HIVEP3: variants seen among roughly 807,000 people sequenced by gnomAD.
HIVEP3 encodes the protein HIVEP zinc finger 3.
Under a neutral mutation model 152.8 loss-of-function variants are expected in HIVEP3, and 49 were observed. The observed-to-expected ratio is 0.32, with a 90% CI of 0.26 to 0.41. The LOEUF is 0.41. Ranked by LOEUF, HIVEP3 falls within the 10% of genes least tolerant of loss-of-function variation. The pLI is 1.00. For synonymous variants in HIVEP3, 1,269 were observed against 1,289.0 expected (o/e 0.98, Z 0.33); for missense variants, 2,790 against 3,103.3 (o/e 0.90, Z 2.40).
chr1:41,701,029 C>A, intron 1 of HIVEP3, 34 bp from the exon 2 acceptor site: 2 of 923,574 alleles, frequency 2.2e-6, no homozygotes, highest in Middle Eastern at 5.6e-4. Flanking sequence ...AATATTATGC[C>A]ACCGCCATCT....
At chr1:41,912,326 G>A (rs1271464843) in intron 1 of HIVEP3, among the ~76,000 whole-genome samples, 1 of 152,190 alleles carries the variant, frequency 6.6e-6, no homozygotes, top group Non-Finnish European at 1.5e-5. Context: ...CAGTTTGTAA[G>A]CATTCGTTTG....
At chr1:41,713,096 G>A (rs772324323) in intron 1 of HIVEP3, among the ~76,000 whole-genome samples, 1 of 152,330 alleles carries the variant, frequency 6.6e-6, no homozygotes, top group Non-Finnish European at 1.5e-5. Context: ...GCCCCTGGGA[G>A]GATTAAATAA....
intron 3 of HIVEP3, among the ~76,000 whole-genome samples, chr1:41,601,152 T>C (rs1473361791): frequency 1.3e-5 from 2 of 152,174 alleles, no homozygotes; most frequent in Non-Finnish European, 2.9e-5. Flanking sequence ...TTTTGATTAG[T>C]GTAATTTTTT....
chr1:41,550,360 C>CT (rs1222344920), intron 5 of HIVEP3, among the ~76,000 whole-genome samples: 6 of 152,226 alleles, frequency 3.9e-5, no homozygotes, highest in Middle Eastern at 3.4e-3. Context: ...GCAGTGCGGG[C>CT]TTTTTTTTGG....
intron 1 of HIVEP3, among the ~76,000 whole-genome samples, chr1:41,741,557 T>C (rs1306752334): frequency 6.6e-6 from 1 of 152,204 alleles, no homozygotes; most frequent in East Asian, 1.9e-4. Flanking sequence ...ACCCCCATCC[T>C]TGGCCTGGGG....
chr1:41,988,614 T>C (rs1026967065), intron 1 of HIVEP3, among the ~76,000 whole-genome samples: 1 of 152,136 alleles, frequency 6.6e-6, no homozygotes, highest in African/African-American at 2.4e-5. Context: ...ACACTACTGA[T>C]GGGAATGTAA....
At chr1:41,911,439 T>C (rs1306600677) in intron 1 of HIVEP3, among the ~76,000 whole-genome samples, 2 of 152,212 alleles carry the variant, frequency 1.3e-5, no homozygotes, top group Non-Finnish European at 2.9e-5. Flanking sequence ...CATTGGAAAT[T>C]AATTTTTGAT....
chr1:41,896,741 A>AT (rs897251770), intron 1 of HIVEP3, among the ~76,000 whole-genome samples: 2 of 151,738 alleles, frequency 1.3e-5, no homozygotes, highest in Non-Finnish European at 2.9e-5. Flanking sequence ...CACCCGGCTA[A>AT]TTTTTTGTAT....
chr1:41,702,895 AC>A (rs1309657716), intron 1 of HIVEP3, among the ~76,000 whole-genome samples: 1 of 152,148 alleles, frequency 6.6e-6, no homozygotes, highest in African/African-American at 2.4e-5. Flanking sequence ...GTTTTTTGTC[AC>A]CCATGGAGCC....
chr1:41,706,121 T>G (rs1326057321), intron 1 of HIVEP3, among the ~76,000 whole-genome samples: 2 of 152,188 alleles, frequency 1.3e-5, no homozygotes, highest in African/African-American at 4.8e-5. Context: ...TGGGTATATT[T>G]TGTGATGCTG....
In HIVEP3 at chr1:41,584,131, C is replaced by T. The variant is rs147878871; in HGVS notation, c.667G>A (p.Gly223Ser). The T allele has an allele frequency of 1.5e-5, 24 of 1,614,036 alleles. No individual in the cohort carries two copies. The highest frequency in any genetic ancestry group is 1.2e-4 in the African/African-American group (9 of 74,930). Residue 223 changes from glycine (G) to serine (S), a missense_variant, in exon 4 of 9, where the codon GGC becomes AGC. Transcript: ENST00000372583. The surrounding 1 kb of genome is among the most constrained non-coding windows in gnomAD (Gnocchi z 5.2). ...GTCTTGAAGGAGAAGCCACAGGGGCCGCAGGGGTAGGGCCTCTCACCTGTG... is the reference window on the plus strand; with the variant it reads ...GTCTTGAAGGAGAAGCCACAGGGGCTGCAGGGGTAGGGCCTCTCACCTGTG... ...SHTGERPYPC[G>S]PCGFSFKTKS...
chr1:42,022,337 C>T (rs1047153457), intron 1 of HIVEP3, among the ~76,000 whole-genome samples: 1 of 152,092 alleles, frequency 6.6e-6, no homozygotes, highest in East Asian at 1.9e-4. Context: ...CAAAGCATCC[C>T]TCCCGTGGGA....
chr1:41,638,823 G>A (rs889389123), intron 2 of HIVEP3, among the ~76,000 whole-genome samples: 1 of 152,206 alleles, frequency 6.6e-6, no homozygotes, highest in Admixed American at 6.5e-5. Flanking sequence ...ACTGGGGGTT[G>A]GCATCACTGC....
At chr1:41,576,544 C>T (rs1197868638) in intron 4 of HIVEP3, among the ~76,000 whole-genome samples, 1 of 152,198 alleles carries the variant, frequency 6.6e-6, no homozygotes, top group Admixed American at 6.5e-5. Context: ...GTGAGAATTT[C>T]CTCCTACTTC....
At chr1:41,968,069 C>CA (rs1007678724) in intron 1 of HIVEP3, among the ~76,000 whole-genome samples, 4 of 151,718 alleles carry the variant, frequency 2.6e-5, no homozygotes, top group Admixed American at 2.0e-4. Context: ...GCCTACCAAC[C>CA]AAAAAAAGCC....
At chr1:41,555,390 G>A (rs774410486) in intron 5 of HIVEP3, among the ~76,000 whole-genome samples, 2 of 152,160 alleles carry the variant, frequency 1.3e-5, no homozygotes, top group African/African-American at 2.4e-5. Flanking sequence ...GATTTTCCAC[G>A]TACAGTCTGT....
At chr1:41,569,927 C>T (rs1036620286) in intron 5 of HIVEP3, among the ~76,000 whole-genome samples, 1 of 152,202 alleles carries the variant, frequency 6.6e-6, no homozygotes, top group East Asian at 1.9e-4. Flanking sequence ...AAAATAATTT[C>T]TTTAAGGAAT....
At chr1:41,622,427 G>A (rs756951741) in intron 3 of HIVEP3, among the ~76,000 whole-genome samples, 2 of 152,214 alleles carry the variant, frequency 1.3e-5, no homozygotes, top group Non-Finnish European at 2.9e-5. Flanking sequence ...ACGGGAACAG[G>A]CTGAACTGGG....
chr1:41,564,908 G>A (rs1486931536), intron 5 of HIVEP3, among the ~76,000 whole-genome samples: 7 of 152,156 alleles, frequency 4.6e-5, no homozygotes, highest in East Asian at 3.8e-4. Context: ...CTCGCTGGAT[G>A]AGAGTGCACC....
Sources: allele counts gnomAD v4.1 joint callset (sites outside exome capture counted in the v4.1 genomes callset), GRCh38; gene constraint gnomAD v4.1.1; non-coding constraint Gnocchi (gnomAD v3.1); transcripts MANE v1.5; gene names NCBI Gene and HGNC (gene_info 2026-07-23, HGNC 2026-07-21).